The following MDGA2 variants were observed in gnomAD, a reference collection of about 807,000 sequenced individuals.
MDGA2 encodes MAM domain containing glycosylphosphatidylinositol anchor 2, also known as MAM domain-containing glycosylphosphatidylinositol anchor protein 2.
Under a neutral mutation model 117.8 loss-of-function variants are expected in MDGA2, and 40 were observed. The ratio of observed to expected loss-of-function variants is 0.34; its 90% CI spans 0.26 to 0.44. The LOEUF (loss-of-function observed/expected upper bound fraction) is 0.44. Among genes scored for constraint, MDGA2 ranks in the 20% least tolerant of loss-of-function variants. MDGA2 has a pLI of 1.00. For missense variants in MDGA2, 1,123 were observed against 1,250.6 expected (o/e 0.90, Z 1.54); for synonymous variants, 452 against 439.0 (o/e 1.03, Z -0.37).
At chr14:47,547,504 A>G (rs1354881690) in intron 1 of MDGA2, among the ~76,000 whole-genome samples, 2 of 152,156 alleles carry the variant, frequency 1.3e-5, no homozygotes, top group Non-Finnish European at 2.9e-5. Context: ...TCTGAACGGA[A>G]TACAAAGTTG....
chr14:47,015,082 G>A (rs1015315880), intron 8 of MDGA2, among the ~76,000 whole-genome samples: 2 of 152,094 alleles, frequency 1.3e-5, no homozygotes, highest in African/African-American at 4.8e-5. Context: ...GACCCAAGGA[G>A]GAGAGGAAGA....
intron 1 of MDGA2, among the ~76,000 whole-genome samples, chr14:47,395,302 C>G (rs1891983931): frequency 6.6e-6 from 1 of 152,032 alleles, no homozygotes; most frequent in African/African-American, 2.4e-5. Context: ...AAAGTTTATA[C>G]CAGTTTTGAA....
chr14:47,005,315 C>T (rs1434309602), intron 8 of MDGA2, among the ~76,000 whole-genome samples: 1 of 151,376 alleles, frequency 6.6e-6, no homozygotes, highest in African/African-American at 2.4e-5. Flanking sequence ...TTTTGTTCTC[C>T]AGGAACTGTT....
intron 9 of MDGA2, among the ~76,000 whole-genome samples, chr14:46,928,362 T>C (rs998855715): frequency 6.6e-6 from 1 of 152,158 alleles, no homozygotes; most frequent in African/African-American, 2.4e-5. Context: ...TTTATGGAAT[T>C]TATGGCTGAA....
chr14:47,551,212 G>A (rs1310898257), intron 1 of MDGA2, among the ~76,000 whole-genome samples: 5 of 152,014 alleles, frequency 3.3e-5, no homozygotes, highest in African/African-American at 1.2e-4. Context: ...GAAATGCATA[G>A]CTCTAAATTC....
intron 7 of MDGA2, among the ~76,000 whole-genome samples, chr14:47,053,636 TATATATATATATATATATACAC>T (rs1472149848): frequency 0.023 from 2,230 of 99,108 alleles, 48 homozygotes; most frequent in Middle Eastern, 0.056. Flanking sequence ...TATATATATA[TATATATATATATATATATACAC>T]ACACACACAC....
intron 14 of MDGA2, among the ~76,000 whole-genome samples, chr14:46,866,674 T>G (rs1449226360): frequency 1.3e-5 from 2 of 150,102 alleles, no homozygotes; most frequent in Non-Finnish European, 3.0e-5. Context: ...GAATCTACAA[T>G]GAACTCAAAC....
chr14:47,395,018 G>A (rs1891976804), intron 1 of MDGA2, among the ~76,000 whole-genome samples: 1 of 152,024 alleles, frequency 6.6e-6, no homozygotes, highest in African/African-American at 2.4e-5. Flanking sequence ...ATCTGGGAGT[G>A]GGGCCTCATG....
intron 6 of MDGA2, among the ~76,000 whole-genome samples, chr14:47,073,231 A>C (rs1890358884): frequency 2.0e-5 from 3 of 152,214 alleles, no homozygotes; most frequent in Admixed American, 2.0e-4. Flanking sequence ...GTAAGCGATT[A>C]ATAGCCTATT....
At position 47,167,629 on chromosome 14, in the gene MDGA2, C is replaced by G. The variant is rs373001317; in HGVS notation, c.596-23355G>C. Among the ~76,000 whole-genome samples the G allele has an allele frequency of 6.0e-4, 92 of 152,078 alleles. 1 individual carries two copies. The highest frequency in any genetic ancestry group is 2.1e-3 in the African/African-American group (87 of 41,482). ...TCAGGGAGTGCTCTGATTGACACTC[C>G]TCTCAGGCATATTAGATTACAAGAG... is the stretch of plus-strand genomic sequence containing the variant. On this transcript the variant is annotated intron_variant, in intron 3 of 16. Transcript: ENST00000399232.
At chr14:47,621,362 A>T (rs547188287) in intron 1 of MDGA2, among the ~76,000 whole-genome samples, 21 of 149,824 alleles carry the variant, frequency 1.4e-4, no homozygotes, top group South Asian at 4.2e-4. Flanking sequence ...TTAAAAAAAA[A>T]TTTTTTTTTT....
At chr14:47,456,352 G>A (rs1440852861) in intron 1 of MDGA2, among the ~76,000 whole-genome samples, 2 of 147,854 alleles carry the variant, frequency 1.4e-5, no homozygotes, top group Non-Finnish European at 3.0e-5. Flanking sequence ...GAGTGCAATG[G>A]TGCCATCTCG....
At chr14:47,646,001 A>G (rs1594960630) in intron 1 of MDGA2, among the ~76,000 whole-genome samples, 1 of 149,596 alleles carries the variant, frequency 6.7e-6, no homozygotes, top group Non-Finnish European at 1.5e-5. Context: ...AATGGCATGA[A>G]CTCGGGAGGC....
chr14:47,062,570 T>C (rs1889927099), intron 6 of MDGA2, among the ~76,000 whole-genome samples: 1 of 151,826 alleles, frequency 6.6e-6, no homozygotes, highest in African/African-American at 2.4e-5. Context: ...TGACAAAATG[T>C]GGCATACACA....
At chr14:47,449,846 G>C (rs547099283) in intron 1 of MDGA2, among the ~76,000 whole-genome samples, 42 of 151,974 alleles carry the variant, frequency 2.8e-4, no homozygotes, top group Non-Finnish European at 5.9e-4. Flanking sequence ...ACAAAAACTC[G>C]TCATTTAAAA....
chr14:47,295,841 T>G (rs1296728381), intron 2 of MDGA2, among the ~76,000 whole-genome samples: 1 of 151,822 alleles, frequency 6.6e-6, no homozygotes, highest in Non-Finnish European at 1.5e-5. Context: ...GAGGCGGAGG[T>G]TGCAGTTAGC....
intron 8 of MDGA2, among the ~76,000 whole-genome samples, chr14:46,986,838 T>C (rs1049165942): frequency 2.6e-5 from 4 of 152,132 alleles, no homozygotes; most frequent in Non-Finnish European, 5.9e-5. Flanking sequence ...CAAGTGTGTC[T>C]GATTTTCTAT....
intron 1 of MDGA2, among the ~76,000 whole-genome samples, chr14:47,352,820 C>T (rs187538042): frequency 8.1e-4 from 124 of 152,266 alleles, no homozygotes; most frequent in African/African-American, 2.9e-3. Flanking sequence ...CTTTACAATG[C>T]TTCATGCTTT....
intron 5 of MDGA2, among the ~76,000 whole-genome samples, chr14:47,114,134 T>C (rs1291195685): frequency 6.6e-6 from 1 of 152,048 alleles, no homozygotes; most frequent in African/African-American, 2.4e-5. Context: ...GAGAGCCAAA[T>C]GATGAGTGAA....
Sources: gnomAD v4.1 joint callset for allele counts (sites outside exome capture counted in the v4.1 genomes callset) on GRCh38, gnomAD v4.1.1 for gene constraint, MANE v1.5 for transcripts, NCBI Gene and HGNC (gene_info 2026-07-23, HGNC 2026-07-21) for gene names.